The following ANKRD31 variants were observed in gnomAD, a reference collection of about 807,000 sequenced individuals.
ANKRD31 encodes ankyrin repeat domain 31.
In ANKRD31, 147 loss-of-function variants were observed where a neutral mutation model predicts 186.0. The observed-to-expected ratio is 0.79, with a 90% CI of 0.69 to 0.91. The LOEUF is 0.91. Among genes scored for constraint, ANKRD31 ranks in the 40% least tolerant of loss-of-function variants. The pLI is 0.00. For synonymous variants in ANKRD31, 673 were observed against 736.4 expected (o/e 0.91, Z 1.39); for missense variants, 1,986 against 2,148.8 (o/e 0.92, Z 1.50).
chr5:75,113,008 G>A (rs1349978946), intron 19 of ANKRD31, among the ~76,000 whole-genome samples: 2 of 152,126 alleles, frequency 1.3e-5, no homozygotes, highest in African/African-American at 4.8e-5. Flanking sequence ...CATAATCTTA[G>A]AAATACAAAA....
intron 17 of ANKRD31, among the ~76,000 whole-genome samples, chr5:75,123,970 A>ACC (rs1749001432): frequency 6.6e-6 from 1 of 152,154 alleles, no homozygotes; most frequent in Non-Finnish European, 1.5e-5. Context: ...GGCAAAGGGA[A>ACC]TAATAAAAAA....
intron 10 of ANKRD31, among the ~76,000 whole-genome samples, chr5:75,175,011 A>C (rs186377402): frequency 1.3e-5 from 2 of 152,350 alleles, no homozygotes; most frequent in East Asian, 1.9e-4. Flanking sequence ...TGGATTAAGA[A>C]AATGTGGCAC....
intron 20 of ANKRD31, among the ~76,000 whole-genome samples, chr5:75,108,456 T>C (rs9293645): frequency 0.015 from 2,228 of 152,224 alleles, 27 homozygotes; most frequent in South Asian, 0.05. Context: ...GATTCCCAAG[T>C]AGGAAACTGA....
In ANKRD31 at chr5:75,104,614, T is replaced by C. The variant is rs751438205; in HGVS notation, c.4945A>G (p.Ser1649Gly). 1 of 1,536,642 alleles carries C rather than the reference T, an allele frequency of 6.5e-7. No homozygotes were observed. The highest frequency in any genetic ancestry group is 8.7e-7 in the Non-Finnish European group (1 of 1,146,652). Residue 1649 changes from serine (S) to glycine (G), a missense_variant, in exon 22 of 26, where the codon AGT becomes GGT. By Grantham distance (56) the Ser-to-Gly change is moderately conservative. Coordinates refer to ENST00000506364, the MANE Select transcript of ANKRD31 (RefSeq NM_001372053.1). ...TGGGCAGCATTTTCGGCAAGGACACTTGCAGTTTCTGAAATATTTAATTTG... is the reference window on the plus strand; with the variant it reads ...TGGGCAGCATTTTCGGCAAGGACACCTGCAGTTTCTGAAATATTTAATTTG... ...IGKLNISETA[S>G]VLAENAAHPS...
At chr5:75,118,076 G>T in intron 18 of ANKRD31, 59 bp downstream of exon 18, 1 of 1,231,210 alleles carries the variant, frequency 8.1e-7, no homozygotes. Flanking sequence ...CAAATCAGAA[G>T]ATTTTCCTAA....
chr5:75,116,719 G>A, intron 18 of ANKRD31, 38 bp from the exon 19 acceptor site: 4 of 1,213,508 alleles, frequency 3.3e-6, no homozygotes, highest in South Asian at 2.1e-5. Context: ...ATAAGAATGT[G>A]CAAAAATATA....
At chr5:75,176,489 G>A (rs1753812917) in intron 10 of ANKRD31, among the ~76,000 whole-genome samples, 1 of 152,142 alleles carries the variant, frequency 6.6e-6, no homozygotes. Flanking sequence ...CCCCAAGTAG[G>A]GGTGGACTGA....
chr5:75,088,526 G>A (rs1363145018), intron 23 of ANKRD31, among the ~76,000 whole-genome samples: 3 of 152,202 alleles, frequency 2.0e-5, no homozygotes, highest in African/African-American at 7.2e-5. Context: ...CTGTGGAAGT[G>A]GGCAATAGTT....
intron 5 of ANKRD31, among the ~76,000 whole-genome samples, chr5:75,202,628 A>G (rs1168220593): frequency 2.0e-5 from 3 of 152,256 alleles, no homozygotes; most frequent in African/African-American, 7.2e-5. Context: ...TGCTTAAGGC[A>G]GTTTGCTTAT....
chr5:75,181,233 C>T (rs1001314757), intron 10 of ANKRD31, among the ~76,000 whole-genome samples: 4 of 152,122 alleles, frequency 2.6e-5, no homozygotes, highest in Non-Finnish European at 4.4e-5. Flanking sequence ...AGTCAGGAAA[C>T]AACAGGTGCT....
Position 75,142,303 on chromosome 5 carries a change from C to T in ANKRD31, c.3595+1698G>A, listed in dbSNP as rs150120178. Among the ~76,000 whole-genome samples, 541 of 152,088 alleles carry T rather than the reference C, an allele frequency of 3.6e-3. 2 individuals are homozygous for T. The highest frequency in any genetic ancestry group is 5.4e-3 in the Non-Finnish European group (370 of 67,968). Reference sequence around the variant, plus strand: ...CTTCTACTGTTCACTCGCTATTCTCCCTGGATTTCCTGGAGTGATCTTTAA... The same window carrying T: ...CTTCTACTGTTCACTCGCTATTCTCTCTGGATTTCCTGGAGTGATCTTTAA... On this transcript the variant is annotated intron_variant, in intron 15 of 25. Transcript: ENST00000506364.
rs370872709 is a variant in ANKRD31, at chr5:75,069,571, A to G, written c.5648-907T>C. Among the ~76,000 whole-genome samples, 5 of 151,310 alleles carry G rather than the reference A, an allele frequency of 3.3e-5. No individual in the cohort carries two copies. In the East Asian group the frequency reaches 9.7e-4, roughly 29 times the overall value. On this transcript the variant is annotated intron_variant, in intron 25 of 25. Coordinates refer to ENST00000506364, the MANE Select transcript of ANKRD31 (RefSeq NM_001372053.1). ...TTTTTTGGTTTTTTTTTTGAGATGG[A>G]GTCTCACTCTGTTGCACAGGCTGGA... is the stretch of plus-strand genomic sequence containing the variant.
chr5:75,193,484 G>C lies in ANKRD31; in HGVS notation c.1125C>G (p.Ser375Arg), dbSNP rs564068151. Residue 375 changes from serine (S) to arginine (R), a missense_variant, in exon 8 of 26, where the codon AGC becomes AGG. Ser to Arg is a moderately radical substitution (Grantham distance 110). Transcript: ENST00000506364. Reference protein sequence around the residue: ...NKRNSNSVTNSSDQETACVLR... With the variant: ...NKRNSNSVTNRSDQETACVLR... Reference sequence around the variant, plus strand: ...ACACACACGCAGTTTCCTGATCAGAGCTATTTGTCACTGAATTTGAATTTC... The same window carrying C: ...ACACACACGCAGTTTCCTGATCAGACCTATTTGTCACTGAATTTGAATTTC... 2.0e-6 allele frequency: 3 copies of C among 1,537,276 alleles called. No homozygotes were observed. Among genetic ancestry groups the C allele is most frequent in the South Asian group, 1.2e-5 (1 of 84,056 alleles).
chr5:75,152,579 T>C (rs1166979616), intron 12 of ANKRD31, among the ~76,000 whole-genome samples: 1 of 152,024 alleles, frequency 6.6e-6, no homozygotes, highest in Non-Finnish European at 1.5e-5. Flanking sequence ...GAAGCACATA[T>C]GGATCTCTTG....
chr5:75,155,947 C>T lies in ANKRD31; in HGVS notation c.1708-1602G>A, dbSNP rs1752137329. Among the ~76,000 whole-genome samples the T allele has an allele frequency of 4.0e-5, 6 of 151,704 alleles. No homozygotes were observed. The South Asian group carries it at 1.3e-3, about 32-fold the overall frequency. ...TTTTGAGACAGAGTCTTGCTTGTTG[C>T]CCAGGCTGGAGTGCAGTGGCATGAT... On this transcript the variant is annotated intron_variant, in intron 11 of 25. Coordinates refer to ENST00000506364, the MANE Select transcript of ANKRD31 (RefSeq NM_001372053.1).
intron 2 of ANKRD31, among the ~76,000 whole-genome samples, chr5:75,224,178 T>TATAC (rs1341100904): frequency 3.7e-4 from 46 of 124,436 alleles, no homozygotes; most frequent in East Asian, 2.8e-3. Flanking sequence ...TATATATATA[T>TATAC]ACACACATTT....
At chr5:75,201,620 AC>A (rs1755827439) in intron 5 of ANKRD31, among the ~76,000 whole-genome samples, 1 of 152,154 alleles carries the variant, frequency 6.6e-6, no homozygotes, top group African/African-American at 2.4e-5. Context: ...CATCTTCAAA[AC>A]TATAAAGCAA....
At position 75,188,591 on chromosome 5, in the gene ANKRD31, C is replaced by A; in HGVS notation, c.1466G>T (p.Gly489Val). Reference protein sequence around the residue: ...LHSINRRNIFGENLVYKAALH... With the variant: ...LHSINRRNIFVENLVYKAALH... ...AGCAGCCTTATATACTAAGTTCTCT[C>A]CAAAAATGTTTCTCCGGTTAATGCT... is the stretch of plus-strand genomic sequence containing the variant. The change falls in exon 10 of 26, where the codon GGA (glycine) becomes GTA (valine). Residue 489 changes from glycine to valine, a missense_variant. Coordinates refer to ENST00000506364, the MANE Select transcript of ANKRD31 (RefSeq NM_001372053.1). The A allele has an allele frequency of 1.3e-6, 2 of 1,535,192 alleles. No homozygotes were observed. The highest frequency in any genetic ancestry group is 1.7e-6 in the Non-Finnish European group (2 of 1,145,914).
chr5:75,170,777 G>T (rs1753255969), intron 10 of ANKRD31, among the ~76,000 whole-genome samples: 1 of 152,012 alleles, frequency 6.6e-6, no homozygotes, highest in East Asian at 1.9e-4. Flanking sequence ...TACAGTAAAA[G>T]GATAGAAAAA....
Sources: allele counts gnomAD v4.1 joint callset (sites outside exome capture counted in the v4.1 genomes callset), GRCh38; gene constraint gnomAD v4.1.1; transcripts MANE v1.5; gene names NCBI Gene and HGNC (gene_info 2026-07-23, HGNC 2026-07-21).